SLC45A1: variants seen among roughly 807,000 people sequenced by gnomAD.
The protein encoded by SLC45A1 is proton-associated sugar transporter A.
A neutral mutation model predicts 57.6 loss-of-function variants in SLC45A1; 28 were observed. The observed-to-expected ratio is 0.49, with a 90% confidence interval of 0.36 to 0.67. SLC45A1 has a LOEUF of 0.67. Ranked by LOEUF, SLC45A1 falls within the 30% of genes least tolerant of loss-of-function variation. SLC45A1 has a pLI of 0.00. For missense variants in SLC45A1, 814 were observed against 1,041.5 expected (o/e 0.78, Z 3.01); for synonymous variants, 459 against 471.5 (o/e 0.97, Z 0.34).
In SLC45A1 at chr1:8,328,900, C is replaced by T. The variant is rs1239259544; in HGVS notation, c.716-1309C>T. On this transcript the variant is annotated intron_variant, in intron 4 of 8. Transcript: ENST00000471889. This position sits in a 1 kb window ranked among gnomAD's most constrained non-coding sequence, Gnocchi z 4.6. Reference sequence around the variant, plus strand: ...GAAATCTGACCTTGGATAAGGGTCACGAACAGCAATGGTGTCTTTCAGGAG... The same window carrying T: ...GAAATCTGACCTTGGATAAGGGTCATGAACAGCAATGGTGTCTTTCAGGAG... Among the ~76,000 whole-genome samples, 2 of 152,130 alleles carry T rather than the reference C, an allele frequency of 1.3e-5. No homozygotes were observed. The highest frequency in any genetic ancestry group is 2.1e-4 in the South Asian group (1 of 4,814).
At chr1:8,333,144 G>A (rs544166723) in intron 5 of SLC45A1, among the ~76,000 whole-genome samples, 1 of 152,206 alleles carries the variant, frequency 6.6e-6, no homozygotes, top group East Asian at 1.9e-4. Context: ...TCCCGTCAGG[G>A]GTTCAGGTGT....
In SLC45A1 at chr1:8,327,856, T is replaced by C. The variant is rs1640249679; in HGVS notation, c.715+1814T>C. On this transcript the variant is annotated intron_variant, in intron 4 of 8. Transcript: ENST00000471889. The surrounding 1 kb of genome is among the most constrained non-coding windows in gnomAD (Gnocchi z 4.3). ...GACCAGCCTGGCCAACATGACAAAATCCCATCTCTACTAAAAATACAAAAA... is the reference window on the plus strand; with the variant it reads ...GACCAGCCTGGCCAACATGACAAAACCCCATCTCTACTAAAAATACAAAAA... Among the ~76,000 whole-genome samples the C allele has an allele frequency of 6.6e-6, 1 of 151,716 alleles. No homozygotes were observed. Among genetic ancestry groups the C allele is most frequent in the Admixed American group, 6.6e-5 (1 of 15,216 alleles).
intron 1 of SLC45A1, among the ~76,000 whole-genome samples, chr1:8,320,801 A>G (rs981543451): frequency 6.6e-6 from 1 of 152,076 alleles, no homozygotes; most frequent in African/African-American, 2.4e-5. Flanking sequence ...CCAAATTTAA[A>G]GGGAAGGTTT....
rs1553150797 is a variant in SLC45A1, at chr1:8,330,941, C to G, written c.1443+5C>G. 1.9e-6 allele frequency: 3 copies of G among 1,575,306 alleles called. No homozygotes were observed. Among genetic ancestry groups the G allele is most frequent in the Non-Finnish European group, 2.6e-6 (3 of 1,156,626 alleles). On this transcript the variant is annotated splice_donor_5th_base_variant and intron_variant, in intron 5 of 8. Coordinates refer to ENST00000471889, the MANE Select transcript of SLC45A1 (RefSeq NM_001080397.3). This position sits in a 1 kb window ranked among gnomAD's most constrained non-coding sequence, Gnocchi z 8.4. ...AATGTGACCTTCAGTCAGCAGGTAA[C>G]AGCAAATGTCGGGGGAGCTGAGGCT...
chr1:8,340,275 G>A (rs1640768748), intron 8 of SLC45A1, among the ~76,000 whole-genome samples: 1 of 151,050 alleles, frequency 6.6e-6, no homozygotes, highest in Non-Finnish European at 1.5e-5. Flanking sequence ...TGGTCCTCCT[G>A]CCTCAGCCTC....
chr1:8,321,414 G>C (rs74841862), intron 1 of SLC45A1, among the ~76,000 whole-genome samples: 2 of 60,434 alleles, frequency 3.3e-5, no homozygotes, highest in Non-Finnish European at 9.5e-5. Flanking sequence ...TCTTAGCAAG[G>C]CTTCAAGGCC....
chr1:8,334,403 G>A (rs1640536442), intron 5 of SLC45A1, among the ~76,000 whole-genome samples: 1 of 152,206 alleles, frequency 6.6e-6, no homozygotes, highest in Non-Finnish European at 1.5e-5. Context: ...AGACATCCCA[G>A]TGGAGCCAGG....
intron 8 of SLC45A1, 26 bp downstream of exon 8, chr1:8,339,724 C>T (rs936073151): frequency 7.5e-6 from 12 of 1,602,690 alleles, no homozygotes; most frequent in South Asian, 3.3e-5. Flanking sequence ...TGTCTTGCTT[C>T]GGGTCTGCTT....
chr1:8,324,245 T>C, intron 1 of SLC45A1, 61 bp from the exon 2 acceptor site: 4 of 1,447,442 alleles, frequency 2.8e-6, no homozygotes, highest in Non-Finnish European at 3.8e-6. Flanking sequence ...TGAACTCAAA[T>C]GTTGGGGGAG....
chr1:8,338,220 G>A (rs1166817601), intron 7 of SLC45A1, among the ~76,000 whole-genome samples: 5 of 152,198 alleles, frequency 3.3e-5, no homozygotes, highest in Admixed American at 6.5e-5. Flanking sequence ...ACGGGGGCAC[G>A]GGTGCTTGTC....
chr1:8,333,857 C>T lies in SLC45A1; in HGVS notation c.1444-1580C>T, dbSNP rs138422114. Among the ~76,000 whole-genome samples the T allele has an allele frequency of 1.7e-4, 26 of 152,348 alleles. No homozygotes were observed. In the East Asian group the frequency reaches 2.7e-3, roughly 16 times the overall value. On this transcript the variant is annotated intron_variant, in intron 5 of 8. Transcript: ENST00000471889. ...TGAGGAAGGACACTGCCCAGGCATGCGCAGGCCTCACAGGGACATCTGTTG... is the reference window on the plus strand; with the variant it reads ...TGAGGAAGGACACTGCCCAGGCATGTGCAGGCCTCACAGGGACATCTGTTG...
intron 1 of SLC45A1, among the ~76,000 whole-genome samples, chr1:8,320,627 G>C (rs1313968766): frequency 6.6e-6 from 1 of 151,936 alleles, no homozygotes; most frequent in Non-Finnish European, 1.5e-5. Flanking sequence ...GCTAGATAGA[G>C]GGAGACTCTG....
Position 8,343,281 on chromosome 1 carries a change from G to A in SLC45A1, c.1981-466G>A, listed in dbSNP as rs144530536. Among the ~76,000 whole-genome samples, 8 of 152,308 alleles carry A rather than the reference G, an allele frequency of 5.3e-5. No homozygotes were observed. The highest frequency in any genetic ancestry group is 9.6e-5 in the African/African-American group (4 of 41,564). On this transcript the variant is annotated intron_variant, in intron 8 of 8. Transcript: ENST00000471889. This position sits in a 1 kb window ranked among gnomAD's most constrained non-coding sequence, Gnocchi z 7.7. Reference sequence around the variant, plus strand: ...ATGCAGGGGAGGGAGAGTGAGTGACGTGCCCAAGCTGGAGGCCACGAGGAC... The same window carrying A: ...ATGCAGGGGAGGGAGAGTGAGTGACATGCCCAAGCTGGAGGCCACGAGGAC...
rs747821410 is a variant in SLC45A1, at chr1:8,330,969, G to A, written c.1443+33G>A. The A allele has an allele frequency of 2.6e-6, 4 of 1,545,368 alleles. No individual in the cohort carries two copies. In the East Asian group the frequency reaches 6.8e-5, roughly 26 times the overall value. On this transcript the variant is annotated intron_variant, in intron 5 of 8. Coordinates refer to ENST00000471889, the MANE Select transcript of SLC45A1 (RefSeq NM_001080397.3). The surrounding 1 kb of genome is among the most constrained non-coding windows in gnomAD (Gnocchi z 8.4). The stretch of plus-strand genomic sequence containing the variant: ...CAAATGTCGGGGGAGCTGAGGCTCA[G>A]AGGGTGGCATTCGGGGGTCCCCTGG...
chr1:8,324,442 A>C lies in SLC45A1; in HGVS notation c.113A>C (p.His38Pro). ...VTGYSGSVTR[H>P]LSHRANNFKR... ...GGCTACTCGGGGTCCGTGACACGAC[A>C]CCTCAGTCACCGGGCCAACAACTTC... is the stretch of plus-strand genomic sequence containing the variant. Residue 38 changes from histidine (H) to proline (P), a missense_variant, in exon 2 of 9, where the codon CAC becomes CCC. His to Pro is a moderately conservative substitution (Grantham distance 77, BLOSUM62 -2). Coordinates refer to ENST00000471889, the MANE Select transcript of SLC45A1 (RefSeq NM_001080397.3). 1 of 1,612,490 alleles carries C rather than the reference A, an allele frequency of 6.2e-7. No individual in the cohort carries two copies. Among genetic ancestry groups the C allele is most frequent in the African/African-American group, 1.3e-5 (1 of 74,856 alleles).
chr1:8,327,628 A>C lies in SLC45A1; in HGVS notation c.715+1586A>C, dbSNP rs928147755. Among the ~76,000 whole-genome samples, 11 of 152,204 alleles carry C rather than the reference A, an allele frequency of 7.2e-5. No individual in the cohort carries two copies. Among genetic ancestry groups the C allele is most frequent in the Non-Finnish European group, 1.6e-4 (11 of 68,038 alleles). ...TTGAAACCAGCTTGGGTGAACAGTG[A>C]GACCCCATCTCTAAAAACATAAGAT... On this transcript the variant is annotated intron_variant, in intron 4 of 8. Transcript: ENST00000471889. This position sits in a 1 kb window ranked among gnomAD's most constrained non-coding sequence, Gnocchi z 4.3.
At chr1:8,323,246 A>G (rs1465325452) in intron 1 of SLC45A1, among the ~76,000 whole-genome samples, 1 of 152,140 alleles carries the variant, frequency 6.6e-6, no homozygotes, top group Non-Finnish European at 1.5e-5. Context: ...TAATCCCAGC[A>G]CTTTGGGAGG....
intron 8 of SLC45A1, among the ~76,000 whole-genome samples, chr1:8,342,833 A>T (rs1215491972): frequency 1.3e-5 from 2 of 149,732 alleles, no homozygotes; most frequent in African/African-American, 2.5e-5. Flanking sequence ...CAGGAGGCTG[A>T]GGCTGCAGTG....
At chr1:8,338,126 C>A in intron 7 of SLC45A1, 134 bp downstream of exon 7, 1 of 837,048 alleles carries the variant, frequency 1.2e-6, no homozygotes, top group Non-Finnish European at 1.8e-6. Flanking sequence ...CACTGTCTTT[C>A]CCGGCTGCAG....
Sources: gnomAD v4.1 joint callset for allele counts (sites outside exome capture counted in the v4.1 genomes callset) on GRCh38, gnomAD v4.1.1 for gene constraint, Gnocchi (gnomAD v3.1) non-coding constraint, MANE v1.5 for transcripts, NCBI Gene and HGNC (gene_info 2026-07-23, HGNC 2026-07-21) for gene names.